Variants in ANKH observed in about 807,000 individuals in gnomAD.
The protein encoded by ANKH is mineralization regulator ANKH.
In ANKH, 15 loss-of-function variants were observed where a neutral mutation model predicts 49.0. That is an observed-to-expected ratio of 0.31 (90% confidence interval 0.20 to 0.47). ANKH has a LOEUF of 0.47. ANKH is among the 20% of genes least tolerant of loss of function. The probability of loss-of-function intolerance (pLI) is 1.00; values close to 1 mark genes in which losing one functional copy is unlikely to be tolerated. For missense variants in ANKH, 429 were observed against 652.0 expected, an observed-to-expected ratio of 0.66 and a Z score of 3.72; for synonymous variants, 273 against 260.0, an observed-to-expected ratio of 1.05 and a Z score of -0.48.
chr5:14,778,852 C>T (rs889259685), intron 1 of ANKH, among the ~76,000 whole-genome samples: 20 of 152,122 alleles, frequency 1.3e-4, no homozygotes, highest in Non-Finnish European at 2.9e-4. Flanking sequence ...TTGCTGGAAA[C>T]GAATACACAG....
intron 1 of ANKH, among the ~76,000 whole-genome samples, chr5:14,864,254 A>G (rs544461479): frequency 2.6e-5 from 4 of 152,326 alleles, no homozygotes; most frequent in Admixed American, 6.5e-5. Flanking sequence ...AATTTGATCT[A>G]TTACTAGGAA....
intron 1 of ANKH, among the ~76,000 whole-genome samples, chr5:14,858,435 T>C (rs1357258696): frequency 6.6e-6 from 1 of 152,202 alleles, no homozygotes; most frequent in Admixed American, 6.5e-5. Flanking sequence ...ATACGCATAG[T>C]GCCAGATGTG....
At chr5:14,855,278 A>C (rs1742223433) in intron 1 of ANKH, among the ~76,000 whole-genome samples, 1 of 152,156 alleles carries the variant, frequency 6.6e-6, no homozygotes, top group Non-Finnish European at 1.5e-5. Flanking sequence ...CCTTGGTCCT[A>C]TTTCTTGCTA....
At chr5:14,784,101 A>G (rs961148463) in intron 1 of ANKH, among the ~76,000 whole-genome samples, 1 of 152,276 alleles carries the variant, frequency 6.6e-6, no homozygotes, top group Non-Finnish European at 1.5e-5. Flanking sequence ...AAACATTTAC[A>G]GAACCCATGA....
chr5:14,792,997 TATATATATAA>T (rs1740222026), intron 1 of ANKH, among the ~76,000 whole-genome samples: 6 of 69,552 alleles, frequency 8.6e-5, no homozygotes, highest in African/African-American at 2.7e-4. Context: ...TAAAAATATA[TATATATATAA>T]ATATATATAT....
rs1257742917 is a variant in ANKH at position 14,737,438 on chromosome 5, C to T, written c.1011+4389G>A. Among the ~76,000 whole-genome samples the T allele has an allele frequency of 6.6e-6, 1 of 152,232 alleles. No homozygotes were observed. The highest frequency in any genetic ancestry group is 6.5e-5 in the Admixed American group (1 of 15,284). ...TCCTCTCTTGTGAGCTCACTGCTGCCTCAGCCTGTGGCTCCAGGAGTGTCT... is the reference window on the plus strand; with the variant it reads ...TCCTCTCTTGTGAGCTCACTGCTGCTTCAGCCTGTGGCTCCAGGAGTGTCT... On this transcript the variant is annotated intron_variant, in intron 8 of 11. Coordinates refer to ENST00000284268, the MANE Select transcript of ANKH (RefSeq NM_054027.6). This position sits in a 1 kb window ranked among gnomAD's most constrained non-coding sequence, Gnocchi z 5.0.
At chr5:14,846,772 A>G (rs967614733) in intron 1 of ANKH, among the ~76,000 whole-genome samples, 1 of 152,060 alleles carries the variant, frequency 6.6e-6, no homozygotes, top group South Asian at 2.1e-4. Flanking sequence ...CGGATGGATT[A>G]CTTGGGATCA....
At chr5:14,759,847 A>T in intron 2 of ANKH, among the ~76,000 whole-genome samples, 1 of 87,648 alleles carries the variant, frequency 1.1e-5, no homozygotes, top group East Asian at 2.3e-4. Flanking sequence ...AGGGAAGGGA[A>T]GGAAAGGGAA....
At chr5:14,864,124 G>T (rs1422440496) in intron 1 of ANKH, among the ~76,000 whole-genome samples, 1 of 152,200 alleles carries the variant, frequency 6.6e-6, no homozygotes, top group East Asian at 1.9e-4. Flanking sequence ...GAGGCTGGAG[G>T]ATGGCTTTAG....
intron 1 of ANKH, among the ~76,000 whole-genome samples, chr5:14,856,305 A>G (rs1213390467): frequency 6.6e-6 from 1 of 152,150 alleles, no homozygotes; most frequent in African/African-American, 2.4e-5. Context: ...CACCATGCTC[A>G]AAGTCTTTGC....
At chr5:14,738,395 G>C (rs1201427039) in intron 8 of ANKH, among the ~76,000 whole-genome samples, 1 of 152,166 alleles carries the variant, frequency 6.6e-6, no homozygotes, top group East Asian at 1.9e-4. Context: ...GTGTCTACAG[G>C]ATCCTGGGGG....
At chr5:14,790,362 AAG>A (rs1253619588) in intron 1 of ANKH, among the ~76,000 whole-genome samples, 1 of 152,252 alleles carries the variant, frequency 6.6e-6, no homozygotes, top group Non-Finnish European at 1.5e-5. Context: ...GAAGAATTAA[AAG>A]AGAAAAACAC....
At chr5:14,751,436 A>T (rs1036878641) in intron 4 of ANKH, among the ~76,000 whole-genome samples, 197 bp from the exon 5 acceptor site, 1 of 152,254 alleles carries the variant, frequency 6.6e-6, no homozygotes, top group African/African-American at 2.4e-5. Flanking sequence ...GATTCACTGG[A>T]GGAACATGGA....
chr5:14,864,780 T>C (rs1158443148), intron 1 of ANKH, among the ~76,000 whole-genome samples: 1 of 152,226 alleles, frequency 6.6e-6, no homozygotes, highest in Non-Finnish European at 1.5e-5. Context: ...CCACATATTA[T>C]GCTGCAATTT....
At chr5:14,793,031 T>A (rs1410150043) in intron 1 of ANKH, among the ~76,000 whole-genome samples, 1 of 75,096 alleles carries the variant, frequency 1.3e-5, no homozygotes, top group Non-Finnish European at 2.5e-5. Flanking sequence ...AATATATATA[T>A]ATAAAAATAT....
In ANKH at chr5:14,705,059, T is replaced by C. The variant is rs1441417768; in HGVS notation, c.*6138A>G. 3.3e-5 allele frequency: 5 copies of C among 152,198 alleles called. No individual in the cohort carries two copies. Among genetic ancestry groups the C allele is most frequent in the Non-Finnish European group, 5.9e-5 (4 of 68,046 alleles). The allele number at this position is 152,198 out of a possible 1,614,324, so 9.4% of individuals were successfully genotyped here. On this transcript the variant is annotated 3_prime_UTR_variant, in exon 12 of 12. Transcript: ENST00000284268. ...TTGTATTTTAGAGACGGGGTTTTGC[T>C]CTGTTGCTCAGGCTGGATTCCAACT... is the stretch of plus-strand genomic sequence containing the variant.
chr5:14,749,110 T>G, intron 6 of ANKH, 62 bp downstream of exon 6: 1 of 1,610,296 alleles, frequency 6.2e-7, no homozygotes. Flanking sequence ...GGAAATCAGT[T>G]TCAGCACCCC....
rs577005863 is a variant in ANKH, at chr5:14,724,930, T to C, written c.1012-8095A>G. On this transcript the variant is annotated intron_variant, in intron 8 of 11. Transcript: ENST00000284268. ...CCCCATTGCCCTGAATAACCAGAAT[T>C]AGCAGTACATGAGACTCTTATCCCT... 2.0e-5 allele frequency among the ~76,000 whole-genome samples: 3 copies of C among 152,254 alleles called. No homozygotes were observed. In the South Asian group the frequency reaches 6.2e-4, roughly 32 times the overall value.
In ANKH at chr5:14,713,301, G is replaced by A. The variant is rs980484808; in HGVS notation, c.1265+243C>T. Among the ~76,000 whole-genome samples, 2 of 152,150 alleles carry A rather than the reference G, an allele frequency of 1.3e-5. No homozygotes were observed. Among genetic ancestry groups the A allele is most frequent in the African/African-American group, 4.8e-5 (2 of 41,422 alleles). ...CATACGTTCAAGCCCGTGCAGGGCC[G>A]GCCATGCCCTGACAGGAGCTCAGTG... On this transcript the variant is annotated intron_variant, in intron 10 of 11. Coordinates refer to ENST00000284268, the MANE Select transcript of ANKH (RefSeq NM_054027.6). The surrounding 1 kb of genome is among the most constrained non-coding windows in gnomAD (Gnocchi z 4.4).
Sources: allele counts gnomAD v4.1 joint callset (sites outside exome capture counted in the v4.1 genomes callset), GRCh38; gene constraint gnomAD v4.1.1; non-coding constraint Gnocchi (gnomAD v3.1); transcripts MANE v1.5; gene names NCBI Gene and HGNC (gene_info 2026-07-23, HGNC 2026-07-21).